The following TNKS variants were observed in gnomAD, a reference collection of about 807,000 sequenced individuals.
The protein encoded by TNKS is tankyrase, also known as poly [ADP-ribose] polymerase tankyrase-1.
Under a neutral mutation model 135.8 loss-of-function variants are expected in TNKS, and 72 were observed. The ratio of observed to expected loss-of-function variants is 0.53; its 90% CI spans 0.44 to 0.64. The LOEUF (loss-of-function observed/expected upper bound fraction) is 0.64, where lower values mean the gene tolerates loss of function less well. TNKS is among the 30% of genes least tolerant of loss of function. TNKS has a pLI of 0.00. For synonymous variants in TNKS, 849 were observed against 649.3 expected (o/e 1.31, Z -4.68); for missense variants, 1,769 against 1,674.0 (o/e 1.06, Z -0.99).
At chr8:9,749,736 G>T (rs957377420) in intron 18 of TNKS, among the ~76,000 whole-genome samples, 11 of 152,010 alleles carry the variant, frequency 7.2e-5, no homozygotes, top group Non-Finnish European at 1.2e-4. Flanking sequence ...TCCTTCCTCA[G>T]CCTCCCAAAG....
rs1205063785 is a variant in TNKS at position 9,678,530 on chromosome 8, C to A, written c.995-1421C>A. Among the ~76,000 whole-genome samples the A allele has an allele frequency of 2.6e-5, 4 of 152,104 alleles. No homozygotes were observed. The South Asian group carries it at 6.2e-4, about 24-fold the overall frequency. On this transcript the variant is annotated intron_variant, in intron 3 of 26. Transcript: ENST00000310430. ...TATAACTTTATTGGTATACAAAGTTCTTTTAAGAGAAAATAGGTATTTAAC... is the reference window on the plus strand; with the variant it reads ...TATAACTTTATTGGTATACAAAGTTATTTTAAGAGAAAATAGGTATTTAAC...
intron 1 of TNKS, among the ~76,000 whole-genome samples, chr8:9,564,982 A>G (rs574024471): frequency 6.6e-6 from 1 of 152,050 alleles, no homozygotes; most frequent in South Asian, 2.1e-4. Flanking sequence ...ACTAAAGCCT[A>G]GGAGCTCAGG....
At position 9,570,452 on chromosome 8, in the gene TNKS, C is replaced by T. The variant is rs28662357; in HGVS notation, c.674-9707C>T. Among the ~76,000 whole-genome samples the T allele has an allele frequency of 2.2e-4, 34 of 152,200 alleles. 1 individual carries two copies. The highest frequency in any genetic ancestry group is 8.0e-4 in the African/African-American group (33 of 41,442). ...GTGGCAGTGGGCTGGGCAGAACCAC[C>T]AGTCCCTTGCTGGCGTGGTGGACAG... On this transcript the variant is annotated intron_variant, in intron 1 of 26. Coordinates refer to ENST00000310430, the MANE Select transcript of TNKS (RefSeq NM_003747.3).
chr8:9,773,464 A>AGAT (rs1301735251), intron 26 of TNKS, among the ~76,000 whole-genome samples: 4 of 152,152 alleles, frequency 2.6e-5, no homozygotes, highest in Non-Finnish European at 5.9e-5. Context: ...CCACAACATA[A>AGAT]GATGGTTATC....
intron 1 of TNKS, among the ~76,000 whole-genome samples, chr8:9,571,744 G>T (rs1034350363): frequency 6.6e-6 from 1 of 152,148 alleles, no homozygotes; most frequent in African/African-American, 2.4e-5. Context: ...GATCACAGAC[G>T]TGAGCCACCG....
intron 11 of TNKS, among the ~76,000 whole-genome samples, chr8:9,710,862 C>A (rs1247930910): frequency 6.6e-6 from 1 of 152,082 alleles, no homozygotes; most frequent in East Asian, 1.9e-4. Flanking sequence ...CGCCACTACA[C>A]TCCAGCCTGG....
intron 20 of TNKS, among the ~76,000 whole-genome samples, 183 bp from the exon 21 acceptor site, chr8:9,761,333 A>G (rs1449745599): frequency 1.3e-5 from 2 of 152,240 alleles, no homozygotes; most frequent in Non-Finnish European, 2.9e-5. Flanking sequence ...TACTTCAAGT[A>G]AGCAGAAAAG....
chr8:9,764,530 T>C (rs901310528), intron 22 of TNKS, among the ~76,000 whole-genome samples, 186 bp from the exon 23 acceptor site: 3 of 152,156 alleles, frequency 2.0e-5, no homozygotes, highest in East Asian at 3.8e-4. Context: ...TAAAAGTAAA[T>C]AGAAAGTGCA....
At chr8:9,615,463 TGAAA>T in intron 2 of TNKS, 115 bp from the exon 3 acceptor site, 1 of 733,372 alleles carries the variant, frequency 1.4e-6, no homozygotes, top group South Asian at 2.9e-5. Flanking sequence ...TTTTTTTTCT[TGAAA>T]GAGAAAAAAT....
chr8:9,733,963 A>G (rs1805568040), intron 15 of TNKS, among the ~76,000 whole-genome samples: 1 of 152,182 alleles, frequency 6.6e-6, no homozygotes, highest in South Asian at 2.1e-4. Context: ...GTTATATGAA[A>G]CTAACTATAA....
intron 3 of TNKS, among the ~76,000 whole-genome samples, chr8:9,638,489 T>C (rs1192001135): frequency 1.3e-5 from 2 of 152,232 alleles, no homozygotes; most frequent in African/African-American, 4.8e-5. Context: ...TATACCTACA[T>C]GTGTATACAT....
chr8:9,606,281 C>T (rs1214391181), intron 2 of TNKS, among the ~76,000 whole-genome samples: 4 of 150,638 alleles, frequency 2.7e-5, no homozygotes, highest in Non-Finnish European at 5.9e-5. Flanking sequence ...CTATATGTTG[C>T]TTTATTTATG....
chr8:9,774,849 G>C (rs74594285), intron 26 of TNKS, among the ~76,000 whole-genome samples: 9 of 152,236 alleles, frequency 5.9e-5, no homozygotes, highest in African/African-American at 2.2e-4. Flanking sequence ...CAGCTTTTCC[G>C]CAAGTAAAAT....
At chr8:9,701,052 G>C (rs1803778192) in intron 5 of TNKS, among the ~76,000 whole-genome samples, 1 of 151,274 alleles carries the variant, frequency 6.6e-6, no homozygotes, top group South Asian at 2.1e-4. Flanking sequence ...TCCTGCCTCA[G>C]CCTCCCAAGT....
intron 6 of TNKS, among the ~76,000 whole-genome samples, chr8:9,705,323 C>G (rs987908941): frequency 6.6e-6 from 1 of 152,132 alleles, no homozygotes; most frequent in South Asian, 2.1e-4. Flanking sequence ...CAGAGATATA[C>G]GATCATTGGG....
At chr8:9,742,289 C>G (rs1806004594) in intron 17 of TNKS, among the ~76,000 whole-genome samples, 2 of 148,800 alleles carry the variant, frequency 1.3e-5, no homozygotes, top group Admixed American at 6.7e-5. Flanking sequence ...AACTTTGACT[C>G]TGGTGATTTC....
chr8:9,622,799 C>G lies in TNKS; in HGVS notation c.994+7122C>G, dbSNP rs1799915006. On this transcript the variant is annotated intron_variant, in intron 3 of 26. Coordinates refer to ENST00000310430, the MANE Select transcript of TNKS (RefSeq NM_003747.3). Reference sequence around the variant, plus strand: ...ATATTATTATAATAAAATGGATTAACTTGGTAATAAATTGATTCTTTGAAC... The same window carrying G: ...ATATTATTATAATAAAATGGATTAAGTTGGTAATAAATTGATTCTTTGAAC... Among the ~76,000 whole-genome samples the G allele has an allele frequency of 2.0e-5, 3 of 152,210 alleles. No individual in the cohort carries two copies. In the South Asian group the frequency reaches 6.2e-4, roughly 32 times the overall value.
chr8:9,657,264 TCCCTC>T (rs1801428447), intron 3 of TNKS, among the ~76,000 whole-genome samples: 1 of 77,810 alleles, frequency 1.3e-5, no homozygotes, highest in Non-Finnish European at 2.8e-5. Flanking sequence ...CCCCCCCACC[TCCCTC>T]CCGGACGGGG....
At chr8:9,631,329 T>G (rs958555999) in intron 3 of TNKS, among the ~76,000 whole-genome samples, 2 of 152,172 alleles carry the variant, frequency 1.3e-5, no homozygotes, top group African/African-American at 4.8e-5. Flanking sequence ...GACAACAGAT[T>G]AAGAACTATC....
Sources: allele counts gnomAD v4.1 joint callset (sites outside exome capture counted in the v4.1 genomes callset), GRCh38; gene constraint gnomAD v4.1.1; transcripts MANE v1.5; gene names NCBI Gene and HGNC (gene_info 2026-07-23, HGNC 2026-07-21).